Variants in ZBTB20 observed in about 807,000 individuals in gnomAD.
ZBTB20 encodes the protein zinc finger and BTB domain containing 20.
Under a neutral mutation model 56.9 loss-of-function variants are expected in ZBTB20, and 9 were observed. That is an observed-to-expected ratio of 0.16 (90% CI 0.10 to 0.28). The LOEUF (loss-of-function observed/expected upper bound fraction) is 0.28. ZBTB20 is among the 10% of genes least tolerant of loss of function. The pLI is 1.00. For missense variants in ZBTB20, 655 were observed against 1,003.0 expected (o/e 0.65, Z 4.69); for synonymous variants, 417 against 420.7 (o/e 0.99, Z 0.11).
Position 114,328,251 on chromosome 3 carries a change from A to G in ZBTB20, c.*10754T>C, listed in dbSNP as rs2079124169. On this transcript the variant is annotated 3_prime_UTR_variant, in exon 12 of 12. Transcript: ENST00000675478. ...GATTTTTTTTTCAAAAAGGCAATAA[A>G]TAAAAAAACTCTTCCTAATTTTTCC... is the stretch of plus-strand genomic sequence containing the variant. The G allele has an allele frequency of 1.3e-5, 2 of 152,186 alleles. No homozygotes were observed. The highest frequency in any genetic ancestry group is 6.6e-5 in the Admixed American group (1 of 15,266). 9.4% of individuals were successfully genotyped at this position (152,186 alleles called of 1,614,324 possible). A position where few individuals can be genotyped will look rare whatever the true frequency, so the allele number is the denominator to read the frequency against.
chr3:115,019,844 C>T (rs1202772761), intron 2 of ZBTB20, among the ~76,000 whole-genome samples: 1 of 150,938 alleles, frequency 6.6e-6, no homozygotes. Context: ...CAGAGAACTC[C>T]GAAGAGGTAG....
At chr3:114,982,262 G>A (rs1410452872) in intron 2 of ZBTB20, among the ~76,000 whole-genome samples, 2 of 151,976 alleles carry the variant, frequency 1.3e-5, no homozygotes, top group Non-Finnish European at 2.9e-5. Context: ...TAATTCATCT[G>A]ATGAGAGGTA....
chr3:114,799,355 C>T (rs923509999), intron 5 of ZBTB20, among the ~76,000 whole-genome samples: 1 of 151,884 alleles, frequency 6.6e-6, no homozygotes, highest in African/African-American at 2.4e-5. Context: ...TCAATTCTCA[C>T]TTTGGTCAGG....
chr3:114,537,076 TG>T (rs1366483192), intron 6 of ZBTB20, among the ~76,000 whole-genome samples: 1 of 152,122 alleles, frequency 6.6e-6, no homozygotes, highest in Non-Finnish European at 1.5e-5. Flanking sequence ...GACATAGTCA[TG>T]GGCAAAGACT....
At chr3:114,352,498 C>T (rs192207664) in intron 10 of ZBTB20, among the ~76,000 whole-genome samples, 3 of 152,194 alleles carry the variant, frequency 2.0e-5, no homozygotes, top group African/African-American at 7.2e-5. Flanking sequence ...AAGATATCTA[C>T]CAAACAGTCA....
intron 6 of ZBTB20, among the ~76,000 whole-genome samples, chr3:114,642,331 G>C (rs561787535): frequency 2.6e-5 from 4 of 152,104 alleles, no homozygotes; most frequent in African/African-American, 9.6e-5. Context: ...ATGCAAATTT[G>C]CCTTGTGAAC....
intron 5 of ZBTB20, among the ~76,000 whole-genome samples, chr3:114,761,263 A>G (rs967737190): frequency 3.3e-5 from 5 of 152,198 alleles, no homozygotes; most frequent in South Asian, 2.1e-4. Context: ...ATGCTTACAC[A>G]TAATAATAGT....
chr3:114,863,575 T>C (rs1158959043), intron 4 of ZBTB20, among the ~76,000 whole-genome samples: 2 of 152,146 alleles, frequency 1.3e-5, no homozygotes, highest in African/African-American at 4.8e-5. Context: ...ATGACCTCAT[T>C]TGAGGTTACC....
chr3:114,433,291 AAAG>A (rs1276562819), intron 7 of ZBTB20, among the ~76,000 whole-genome samples: 1 of 152,204 alleles, frequency 6.6e-6, no homozygotes, highest in Non-Finnish European at 1.5e-5. Context: ...GTCTGAAGAT[AAAG>A]AAGTAGATGA....
At chr3:115,015,790 G>C (rs1576570984) in intron 2 of ZBTB20, among the ~76,000 whole-genome samples, 2 of 151,814 alleles carry the variant, frequency 1.3e-5, no homozygotes, top group Admixed American at 6.6e-5. Flanking sequence ...AAACGTGCAT[G>C]TATCTTTATA....
chr3:114,981,087 A>T (rs2078307842), intron 2 of ZBTB20, among the ~76,000 whole-genome samples: 1 of 152,056 alleles, frequency 6.6e-6, no homozygotes, highest in South Asian at 2.1e-4. Flanking sequence ...GATGAAAAAA[A>T]ACCAAGAATC....
chr3:114,736,727 T>C (rs2066186436), intron 5 of ZBTB20, among the ~76,000 whole-genome samples: 1 of 152,040 alleles, frequency 6.6e-6, no homozygotes. Context: ...GTGAAATGGA[T>C]GTACATGGTG....
chr3:114,416,515 C>T (rs923391968), intron 7 of ZBTB20, among the ~76,000 whole-genome samples: 2 of 151,990 alleles, frequency 1.3e-5, no homozygotes, highest in African/African-American at 4.8e-5. Context: ...ACTTTCTCCC[C>T]TTCTAGAAGC....
At chr3:114,616,046 A>G (rs1018718002) in intron 6 of ZBTB20, among the ~76,000 whole-genome samples, 1 of 152,234 alleles carries the variant, frequency 6.6e-6, no homozygotes, top group Non-Finnish European at 1.5e-5. Flanking sequence ...AAATATCATT[A>G]TGCTGTTATT....
At position 114,350,758 on chromosome 3, in the gene ZBTB20, C is replaced by T; in HGVS notation, c.1320G>A (p.Glu440=). 1 of 1,614,146 alleles carries T rather than the reference C, an allele frequency of 6.2e-7. No homozygotes were observed. The highest frequency in any genetic ancestry group is 8.5e-7 in the Non-Finnish European group (1 of 1,180,010). The change falls in exon 11 of 12, where the codon GAG becomes GAA. Residue 440 remains glutamate, a synonymous_variant. Coordinates refer to ENST00000675478, the MANE Select transcript of ZBTB20 (RefSeq NM_001348800.3). ...TGACAGTGATAACAGTGCTGTCCAT[C>T]TCCACTTCATTGCTTCTCTCCGGAG... ...ASSPERSNEV[E]MDSTVITVSN... is the part of the protein sequence containing the mutation.
chr3:115,039,863 G>T (rs994295241), intron 2 of ZBTB20, among the ~76,000 whole-genome samples: 2 of 151,948 alleles, frequency 1.3e-5, no homozygotes, highest in African/African-American at 4.8e-5. Context: ...ATAAATTATG[G>T]CCATCTATTT....
chr3:114,375,554 T>C (rs1318553661), intron 10 of ZBTB20, among the ~76,000 whole-genome samples: 9 of 152,140 alleles, frequency 5.9e-5, no homozygotes, highest in African/African-American at 2.2e-4. Flanking sequence ...CAGAGTAAAA[T>C]CACTCCCCCA....
chr3:114,767,715 T>C (rs1025361494), intron 5 of ZBTB20, among the ~76,000 whole-genome samples: 7 of 152,076 alleles, frequency 4.6e-5, no homozygotes, highest in Non-Finnish European at 8.8e-5. Flanking sequence ...GCTGGCCCTC[T>C]AATCTTCCTT....
intron 6 of ZBTB20, among the ~76,000 whole-genome samples, chr3:114,505,597 T>C (rs2044506903): frequency 6.6e-6 from 1 of 152,190 alleles, no homozygotes; most frequent in Non-Finnish European, 1.5e-5. Context: ...GTCTAAAAGT[T>C]AGATGGGTTT....
Sources: allele counts gnomAD v4.1 joint callset (sites outside exome capture counted in the v4.1 genomes callset), GRCh38; gene constraint gnomAD v4.1.1; transcripts MANE v1.5; gene names NCBI Gene and HGNC (gene_info 2026-07-23, HGNC 2026-07-21).